The following TEKT5 variants were observed in gnomAD, a reference collection of about 807,000 sequenced individuals.
TEKT5 encodes the protein tektin 5.
In TEKT5, 52 loss-of-function variants were observed where a neutral mutation model predicts 48.7. The observed-to-expected ratio is 1.07, with a 90% CI of 0.86 to 1.35. The LOEUF is 1.35. Among genes scored for constraint, TEKT5 ranks in the 40% most tolerant of loss-of-function variants. TEKT5 has a pLI of 0.00. For synonymous variants in TEKT5, 318 were observed against 267.6 expected, an observed-to-expected ratio of 1.19 and a Z score of -1.84; for missense variants, 831 against 641.6, an observed-to-expected ratio of 1.30 and a Z score of -3.19.
At chr16:10,693,182 G>A (rs770685847) in intron 1 of TEKT5, among the ~76,000 whole-genome samples, 25 of 152,262 alleles carry the variant, frequency 1.6e-4, no homozygotes, top group Non-Finnish European at 2.8e-4. Context: ...TGCAACCTCC[G>A]CCTCCTGGGT....
At chr16:10,637,864 G>A (rs1333478869) in intron 5 of TEKT5, among the ~76,000 whole-genome samples, 3 of 152,202 alleles carry the variant, frequency 2.0e-5, no homozygotes, top group African/African-American at 7.2e-5. Flanking sequence ...AGGCTGGAGT[G>A]CAGTTGCGCA....
chr16:10,642,325 C>T (rs1898006435), intron 5 of TEKT5, among the ~76,000 whole-genome samples: 1 of 152,142 alleles, frequency 6.6e-6, no homozygotes, highest in Admixed American at 6.6e-5. Context: ...ATTCACTGTC[C>T]ACCAGGCCAC....
chr16:10,635,183 A>G (rs2541526), intron 6 of TEKT5, among the ~76,000 whole-genome samples: 35,079 of 85,462 alleles, frequency 0.41, 6,447 homozygotes, highest in East Asian at 0.6. Context: ...CCCACCCCCC[A>G]CCCCCCACAA....
intron 5 of TEKT5, among the ~76,000 whole-genome samples, chr16:10,663,926 T>C (rs996192901): frequency 3.9e-5 from 6 of 152,220 alleles, no homozygotes; most frequent in Non-Finnish European, 8.8e-5. Context: ...TTTCGGAATA[T>C]GTCAGGCCAG....
rs1299102383 is a variant in TEKT5 at position 10,676,110 on chromosome 16, T to C, written c.935A>G (p.Asn312Ser). Residue 312 changes from asparagine (N) to serine (S), a missense_variant, in exon 5 of 7, where the codon AAC becomes AGC. Coordinates refer to ENST00000283025, the MANE Select transcript of TEKT5 (RefSeq NM_144674.2). ...NIKHSQNMRA[N>S]SIQLREEAEH... The stretch of plus-strand genomic sequence containing the variant: ...CGCCTCCTCCCGCAGCTGGATGGAG[T>C]TGGCCCGCATGTTCTGAGAGTGTTT... The C allele has an allele frequency of 6.2e-7, 1 of 1,613,956 alleles. No homozygotes were observed. Among genetic ancestry groups the C allele is most frequent in the Non-Finnish European group, 8.5e-7 (1 of 1,180,024 alleles).
At chr16:10,628,367 G>A (rs1897786423) in intron 6 of TEKT5, among the ~76,000 whole-genome samples, 1 of 152,214 alleles carries the variant, frequency 6.6e-6, no homozygotes, top group African/African-American at 2.4e-5. Flanking sequence ...AGACCAATCT[G>A]GAGATTCCTC....
At position 10,694,330 on chromosome 16, in the gene TEKT5, C is replaced by A. The variant is rs751858103; in HGVS notation, c.544G>T (p.Glu182Ter). 6.2e-7 allele frequency: 1 copy of A among 1,603,716 alleles called. No homozygotes were observed. The highest frequency in any genetic ancestry group is 2.2e-5 in the East Asian group (1 of 44,836). The change falls in exon 1 of 7, where the codon GAG becomes TAG. Residue 182 changes from glutamate to a stop codon, truncating the protein, a stop_gained. Transcript: ENST00000283025. LOFTEE classifies it high-confidence loss of function. ...VKRRLECAAN[E>*]VNCPLQVALE... The stretch of plus-strand genomic sequence containing the variant: ...CTCACCTGCAATGGGCAGTTCACCT[C>A]ATTGGCCGCGCACTCCAGCCGCCTC...
chr16:10,691,389 T>C (rs1898973193), intron 1 of TEKT5: 1 of 152,400 alleles, frequency 6.6e-6, no homozygotes, highest in African/African-American at 2.4e-5. Flanking sequence ...GAGGAAAATA[T>C]TCAGGGTGAG....
chr16:10,657,949 A>G (rs1898291269), intron 5 of TEKT5, among the ~76,000 whole-genome samples: 1 of 152,006 alleles, frequency 6.6e-6, no homozygotes, highest in African/African-American at 2.4e-5. Flanking sequence ...ATTTACCACA[A>G]AGTTCACCCA....
In TEKT5 at chr16:10,667,638, T is replaced by G. The variant is rs2430633; in HGVS notation, c.1086+8321A>C. Among the ~76,000 whole-genome samples the G allele has an allele frequency of 1.6e-3, 239 of 152,362 alleles. 2 individuals carry two copies. The highest frequency in any genetic ancestry group is 5.5e-3 in the African/African-American group (230 of 41,584). On this transcript the variant is annotated intron_variant, in intron 5 of 6. Transcript: ENST00000283025. ...AAATTCTGTTAAATTTAATCTGCTT[T>G]AAGTTTTTCTTTTAACATTCCCAAA...
At chr16:10,676,990 A>C (rs1079017) in intron 4 of TEKT5, among the ~76,000 whole-genome samples, 76,991 of 152,062 alleles carry the variant, frequency 0.51, 21,268 homozygotes, top group East Asian at 0.82. Flanking sequence ...TCAAGACCAC[A>C]CTGGGCAATG....
chr16:10,669,369 G>A (rs1429430733), intron 5 of TEKT5, among the ~76,000 whole-genome samples: 3 of 151,582 alleles, frequency 2.0e-5, no homozygotes, highest in Non-Finnish European at 4.4e-5. Flanking sequence ...TGAGGCAGGA[G>A]AATCGCTTGA....
chr16:10,687,380 T>C (rs185323832), intron 3 of TEKT5, among the ~76,000 whole-genome samples: 1 of 152,314 alleles, frequency 6.6e-6, no homozygotes, highest in Admixed American at 6.5e-5. Flanking sequence ...AAAATAAGTG[T>C]AAGAAAAATG....
chr16:10,669,588 T>C (rs1898520376), intron 5 of TEKT5, among the ~76,000 whole-genome samples: 1 of 152,218 alleles, frequency 6.6e-6, no homozygotes. Flanking sequence ...GTGATATTAA[T>C]GCTATATCCA....
chr16:10,685,884 A>C (rs2719726), intron 3 of TEKT5, among the ~76,000 whole-genome samples: 83,339 of 151,752 alleles, frequency 0.55, 23,521 homozygotes, highest in African/African-American at 0.67. Context: ...TGGGGTTGCA[A>C]AAGCGGCCTC....
In TEKT5 at chr16:10,689,847, G is replaced by T. The variant is rs139783712; in HGVS notation, c.648+95C>A. On this transcript the variant is annotated intron_variant, in intron 2 of 6. Coordinates refer to ENST00000283025, the MANE Select transcript of TEKT5 (RefSeq NM_144674.2). The stretch of plus-strand genomic sequence containing the variant: ...TCACTTTCCACACAGTGACACGTGT[G>T]GCTTCTGCTCCTGACAGGTAGCTCA... The T allele has an allele frequency of 7.0e-5, 85 of 1,222,768 alleles. 1 individual carries two copies. In the African/African-American group the frequency reaches 9.9e-4, roughly 14 times the overall value. 75.7% of individuals were successfully genotyped at this position (1,222,768 alleles called of 1,614,324 possible).
At chr16:10,694,235 C>T in intron 1 of TEKT5, 75 bp downstream of exon 1, 1 of 1,449,342 alleles carries the variant, frequency 6.9e-7, no homozygotes, top group Non-Finnish European at 9.2e-7. Context: ...CCTTCATCTT[C>T]AGTCAAGGGA....
chr16:10,635,931 A>G lies in TEKT5; in HGVS notation c.1087-13T>C, dbSNP rs1190480522. On this transcript the variant is annotated splice_polypyrimidine_tract_variant and intron_variant, in intron 5 of 6. Coordinates refer to ENST00000283025, the MANE Select transcript of TEKT5 (RefSeq NM_144674.2). ...TCTCCTGCAGCGTCTGCGAGGGAAC[A>G]CACAGGTGTCACCACCCACCAGGCC... The G allele has an allele frequency of 3.7e-6, 6 of 1,612,452 alleles. No individual in the cohort carries two copies. The highest frequency in any genetic ancestry group is 5.1e-6 in the Non-Finnish European group (6 of 1,179,702).
At chr16:10,664,843 G>A (rs74621777) in intron 5 of TEKT5, among the ~76,000 whole-genome samples, 2 of 152,194 alleles carry the variant, frequency 1.3e-5, no homozygotes, top group Non-Finnish European at 2.9e-5. Context: ...TGAGAAAGCA[G>A]ACCATAGCTT....
Sources: gnomAD v4.1 joint callset for allele counts (sites outside exome capture counted in the v4.1 genomes callset) on GRCh38, gnomAD v4.1.1 for gene constraint, MANE v1.5 for transcripts, NCBI Gene and HGNC (gene_info 2026-07-23, HGNC 2026-07-21) for gene names.